Variants in TMPO observed in about 807,000 individuals in gnomAD.
TMPO encodes LEM domain containing 4.
Under a neutral mutation model 45.4 loss-of-function variants are expected in TMPO, and 22 were observed. That is an observed-to-expected ratio of 0.48 (90% CI 0.35 to 0.69). The LOEUF is 0.69. Among genes scored for constraint, TMPO ranks in the 30% least tolerant of loss-of-function variants. The pLI is 0.01. For missense variants in TMPO, 512 were observed against 548.8 expected (o/e 0.93, Z 0.67); for synonymous variants, 241 against 204.1 (o/e 1.18, Z -1.54).
chr12:98,547,386 T>C (rs780511277), intron 8 of TMPO, among the ~76,000 whole-genome samples, 187 bp from the exon 9 acceptor site: 1 of 152,220 alleles, frequency 6.6e-6, no homozygotes, highest in Non-Finnish European at 1.5e-5. Context: ...ATCTAACTTT[T>C]AAAATAGAAA....
Position 98,526,826 on chromosome 12 carries a change from C to T in TMPO, c.280-1060C>T, listed in dbSNP as rs148363475. Reference sequence around the variant, plus strand: ...TACAAAAATTAGCTGGGCGTGGTGGCGCACACCTGTACTCTCAGCTACTCG... The same window carrying T: ...TACAAAAATTAGCTGGGCGTGGTGGTGCACACCTGTACTCTCAGCTACTCG... On this transcript the variant is annotated intron_variant, in intron 1 of 8. Transcript: ENST00000556029. 4.6e-3 allele frequency among the ~76,000 whole-genome samples: 697 copies of T among 152,092 alleles called. 7 individuals carry two copies. Among genetic ancestry groups the T allele is most frequent in the African/African-American group, 0.016 (662 of 41,512 alleles).
At chr12:98,539,396 T>C (rs1238358072) in intron 4 of TMPO, among the ~76,000 whole-genome samples, 1 of 151,188 alleles carries the variant, frequency 6.6e-6, no homozygotes, top group South Asian at 2.1e-4. Context: ...GACCCTCCAG[T>C]CATAGATGTG....
Position 98,515,991 on chromosome 12 carries a change from C to G in TMPO, c.124C>G (p.Leu42Val). 1 of 1,612,578 alleles carries G rather than the reference C, an allele frequency of 6.2e-7. No individual in the cohort carries two copies. The highest frequency in any genetic ancestry group is 8.5e-7 in the Non-Finnish European group (1 of 1,179,792). The part of the protein sequence containing the change: ...QRKDVYVQLY[L>V]QHLTARNRPP... ...CAAAGACGTGTACGTCCAGCTCTACCTGCAGCACCTCACGGCTCGCAACCG... is the reference window on the plus strand; with the variant it reads ...CAAAGACGTGTACGTCCAGCTCTACGTGCAGCACCTCACGGCTCGCAACCG... Residue 42 changes from leucine to valine, a missense_variant, in exon 1 of 9, where the codon CTG becomes GTG. By Grantham distance (32) the Leu-to-Val change is conservative. Coordinates refer to ENST00000556029, the MANE Select transcript of TMPO (RefSeq NM_001032283.3).
At chr12:98,532,102 A>G in intron 3 of TMPO, 1 of 400,092 alleles carries the variant, frequency 2.5e-6, no homozygotes, top group Admixed American at 4.1e-5. Context: ...TTCTGAGAGA[A>G]TAAAGTATTA....
intron 4 of TMPO, among the ~76,000 whole-genome samples, chr12:98,540,802 A>G (rs1464076549): frequency 1.3e-5 from 2 of 152,252 alleles, no homozygotes; most frequent in South Asian, 2.1e-4. Context: ...TTTCACAAGA[A>G]TACTTAAATG....
intron 4 of TMPO, among the ~76,000 whole-genome samples, chr12:98,540,132 AG>A (rs1877825176): frequency 6.6e-6 from 1 of 152,210 alleles, no homozygotes. Flanking sequence ...TGAAGAAACC[AG>A]GTCATTACAG....
intron 1 of TMPO, among the ~76,000 whole-genome samples, chr12:98,526,803 C>T (rs1329851286): frequency 1.3e-5 from 2 of 151,930 alleles, no homozygotes; most frequent in Non-Finnish European, 2.9e-5. Context: ...ACTAAAAGTA[C>T]AAAAATTAGC....
At chr12:98,535,687 A>C in intron 3 of TMPO, 3 of 984,970 alleles carry the variant, frequency 3.0e-6, no homozygotes, top group Non-Finnish European at 3.6e-6. Flanking sequence ...TTGGAGTTGC[A>C]ACAAGTTAAA....
chr12:98,545,798 T>C (rs1489521784), intron 7 of TMPO, among the ~76,000 whole-genome samples: 1 of 151,978 alleles, frequency 6.6e-6, no homozygotes, highest in Non-Finnish European at 1.5e-5. Flanking sequence ...AGTGGCACGG[T>C]CTCAGCTCAC....
chr12:98,518,644 TG>T (rs965684955), intron 1 of TMPO, among the ~76,000 whole-genome samples: 3 of 152,004 alleles, frequency 2.0e-5, no homozygotes, highest in Non-Finnish European at 4.4e-5. Flanking sequence ...ATCAGCCACT[TG>T]GTAAAAGAGA....
chr12:98,533,636 T>C lies in TMPO; in HGVS notation c.565+1798T>C, dbSNP rs749447424. 1.2e-6 allele frequency: 2 copies of C among 1,614,106 alleles called. No homozygotes were observed. Among genetic ancestry groups the C allele is most frequent in the African/African-American group, 2.7e-5 (2 of 74,944 alleles). ...CCTGGATCCGAACTGATGTCTTCTT[T>C]TGCCAAAACTGTTGTCTCTCATTCA... On this transcript the variant is annotated intron_variant, in intron 3 of 8. Transcript: ENST00000556029.
intron 7 of TMPO, among the ~76,000 whole-genome samples, chr12:98,545,782 G>A (rs1042157695): frequency 2.6e-5 from 4 of 151,880 alleles, no homozygotes; most frequent in Admixed American, 6.6e-5. Context: ...GCCCAGGCTG[G>A]AGTGCAGTGG....
chr12:98,538,921 C>T (rs1877733886), intron 4 of TMPO, among the ~76,000 whole-genome samples: 1 of 152,026 alleles, frequency 6.6e-6, no homozygotes, highest in Non-Finnish European at 1.5e-5. Flanking sequence ...AGGAAATAGG[C>T]CGGGCGCGGT....
chr12:98,543,385 AG>A (rs1463697793), intron 4 of TMPO, among the ~76,000 whole-genome samples: 2 of 152,232 alleles, frequency 1.3e-5, no homozygotes, highest in Non-Finnish European at 2.9e-5. Context: ...CGGGCCCTAC[AG>A]CTACAGAATC....
chr12:98,546,282 T>C (rs1217479912), intron 7 of TMPO, 77 bp from the exon 8 acceptor site: 1 of 973,950 alleles, frequency 1.0e-6, no homozygotes, highest in African/African-American at 1.6e-5. Flanking sequence ...CTCTAAAACT[T>C]ACTATTTATG....
At chr12:98,516,444 C>T in intron 1 of TMPO, 2 of 1,153,764 alleles carry the variant, frequency 1.7e-6, no homozygotes, top group East Asian at 4.2e-5. Flanking sequence ...CACCAGCCGC[C>T]TGCAGCGGGC....
In TMPO at chr12:98,533,530, C is replaced by T. The variant is rs879040481; in HGVS notation, c.565+1692C>T. 1.9e-6 allele frequency: 3 copies of T among 1,614,024 alleles called. No homozygotes were observed. The highest frequency in any genetic ancestry group is 1.1e-5 in the South Asian group (1 of 91,076). On this transcript the variant is annotated intron_variant, in intron 3 of 8. Transcript: ENST00000556029. The stretch of plus-strand genomic sequence containing the variant: ...GTTTCAAGAAACTGAATTCCTGTCT[C>T]CTCCAAGAAAAGTCCCTAGACTGAG...
Position 98,546,410 on chromosome 12 carries a change from A to G in TMPO, c.1042A>G (p.Met348Val), listed in dbSNP as rs990534778. ...AGTAGAAAGGGATATTCTTAAGGAAATGTTCCCCTATGAAGCATCTACACC... is the reference window on the plus strand; with the variant it reads ...AGTAGAAAGGGATATTCTTAAGGAAGTGTTCCCCTATGAAGCATCTACACC... ...RRVERDILKE[M>V]FPYEASTPTG... The change falls in exon 8 of 9, where the codon ATG becomes GTG. Residue 348 changes from methionine (M) to valine (V), a missense_variant. Transcript: ENST00000556029. 52 of 1,612,482 alleles carry G rather than the reference A, an allele frequency of 3.2e-5. No homozygotes were observed. The highest frequency in any genetic ancestry group is 3.3e-4 in the Middle Eastern group (2 of 6,056).
intron 6 of TMPO, 149 bp from the exon 7 acceptor site, chr12:98,544,802 G>T: frequency 1.4e-6 from 1 of 705,928 alleles, no homozygotes; most frequent in Non-Finnish European, 2.5e-6. Context: ...CATATGTGAG[G>T]CACTAAGTTG....
Sources: gnomAD v4.1 joint callset for allele counts (sites outside exome capture counted in the v4.1 genomes callset) on GRCh38, gnomAD v4.1.1 for gene constraint, MANE v1.5 for transcripts, NCBI Gene and HGNC (gene_info 2026-07-23, HGNC 2026-07-21) for gene names.